Variants in ZNF436 observed in about 807,000 individuals in gnomAD.
ZNF436 encodes the protein DNA-binding protein.
ZNF436 carries 22 observed loss-of-function variants against 41.9 expected under a neutral mutation model. That is an observed-to-expected ratio of 0.53 (90% CI 0.38 to 0.75). The LOEUF (loss-of-function observed/expected upper bound fraction) is 0.75. ZNF436 is among the 30% of genes least tolerant of loss of function. The pLI is 0.00. For missense variants in ZNF436, 506 were observed against 587.3 expected, an observed-to-expected ratio of 0.86 and a Z score of 1.43; for synonymous variants, 217 against 197.8, an observed-to-expected ratio of 1.10 and a Z score of -0.82.
Position 23,360,869 on chromosome 1 carries a change from CAT to C in ZNF436, c.*1098_*1099del, listed in dbSNP as rs1253070497. The C allele has an allele frequency of 2.6e-5, 4 of 152,646 alleles. No individual in the cohort carries two copies. Among genetic ancestry groups the C allele is most frequent in the African/African-American group, 7.2e-5 (3 of 41,450 alleles). The allele number at this position is 152,646 out of a possible 1,614,324, so 9.5% of individuals were successfully genotyped here. On this transcript the variant is annotated 3_prime_UTR_variant, in exon 4 of 4. Coordinates refer to ENST00000314011, the MANE Select transcript of ZNF436 (RefSeq NM_001077195.2). ...TGGAGTTATGTCTGTACTTCTGTCA[CAT>C]GACTCACATCACCCAAGAACATGCT...
chr1:23,368,154 G>T, intron 1 of ZNF436, 89 bp from the exon 2 acceptor site: 1 of 848,664 alleles, frequency 1.2e-6, no homozygotes, highest in Non-Finnish European at 1.9e-6. Flanking sequence ...AGGCGGGCAG[G>T]GAGGGCCCTG....
Position 23,362,404 on chromosome 1 carries a change from T to C in ZNF436, c.978A>G (p.Arg326=). 1 of 1,613,830 alleles carries C rather than the reference T, an allele frequency of 6.2e-7. No individual in the cohort carries two copies. The highest frequency in any genetic ancestry group is 8.5e-7 in the Non-Finnish European group (1 of 1,179,848). Residue 326 remains arginine (R), a synonymous_variant, in exon 4 of 4, where the codon AGA becomes AGG. Coordinates refer to ENST00000314011, the MANE Select transcript of ZNF436 (RefSeq NM_001077195.2). The part of the protein sequence containing the change: ...SQNSDLVRHR[R]AHTGEKPYHC... ...GGTATGGCTTCTCTCCCGTGTGGGCTCTGCGATGACGCACAAGGTCGGAGT... is the reference window on the plus strand; with the variant it reads ...GGTATGGCTTCTCTCCCGTGTGGGCCCTGCGATGACGCACAAGGTCGGAGT...
Position 23,363,100 on chromosome 1 carries a change from C to T in ZNF436, c.282G>A (p.Glu94=), listed in dbSNP as rs1186562700. 3 of 1,614,170 alleles carry T rather than the reference C, an allele frequency of 1.9e-6. No homozygotes were observed. Among genetic ancestry groups the T allele is most frequent in the Non-Finnish European group, 1.7e-6 (2 of 1,180,036 alleles). The part of the protein sequence containing the change: ...ENAEENPESE[E]GFESGDRSER... ...CTGACCTATCTCCGCTTTCAAAGCC[C>T]TCTTCACTTTCAGGATTTTCCTCAG... Residue 94 remains glutamate, a synonymous_variant, in exon 4 of 4, where the codon GAG becomes GAA. Coordinates refer to ENST00000314011, the MANE Select transcript of ZNF436 (RefSeq NM_001077195.2).
At chr1:23,364,505 T>C (rs1638315854) in intron 3 of ZNF436, among the ~76,000 whole-genome samples, 1 of 152,208 alleles carries the variant, frequency 6.6e-6, no homozygotes, top group Non-Finnish European at 1.5e-5. Flanking sequence ...CCCAAACTGC[T>C]AGGATTACAG....
Position 23,361,699 on chromosome 1 carries a change from T to G in ZNF436, c.*270A>C. The G allele has an allele frequency of 2.9e-6, 1 of 347,310 alleles. No individual in the cohort carries two copies. The allele number at this position is 347,310 out of a possible 1,614,324, so 21.5% of individuals were successfully genotyped here. The stretch of plus-strand genomic sequence containing the variant: ...TTCCAGGCCTAAGCATTCACCAGCA[T>G]TTGTCCCCTGGTCTTCAGATTTCCA... On this transcript the variant is annotated 3_prime_UTR_variant, in exon 4 of 4. Coordinates refer to ENST00000314011, the MANE Select transcript of ZNF436 (RefSeq NM_001077195.2).
Position 23,369,759 on chromosome 1 carries a change from T to C in ZNF436, c.-454A>G, listed in dbSNP as rs780773004. The C allele has an allele frequency of 6.4e-5, 23 of 356,680 alleles. No homozygotes were observed. The highest frequency in any genetic ancestry group is 2.3e-4 in the Admixed American group (6 of 26,462). 22.1% of individuals were successfully genotyped at this position (356,680 alleles called of 1,614,324 possible). On this transcript the variant is annotated 5_prime_UTR_variant, in exon 1 of 4. Transcript: ENST00000314011. The stretch of plus-strand genomic sequence containing the variant: ...CAGCCAGGATGAGGGAATTAGACAA[T>C]GGAAGTCGAGCACTGGGGAAAGCAG...
At chr1:23,363,341 T>G (rs982242609) in intron 3 of ZNF436, 120 bp from the exon 4 acceptor site, 1 of 775,390 alleles carries the variant, frequency 1.3e-6, no homozygotes, top group Non-Finnish European at 2.0e-6. Flanking sequence ...TTGGCTGGAG[T>G]GCAGTGGTGT....
chr1:23,368,054 TAGCAGACAGCG>T lies in ZNF436; in HGVS notation c.-60_-50del. On this transcript the variant is annotated splice_region_variant and 5_prime_UTR_variant, in exon 2 of 4. Coordinates refer to ENST00000314011, the MANE Select transcript of ZNF436 (RefSeq NM_001077195.2). Reference sequence around the variant, plus strand: ...AGGGAGAGAGAGCAGGAAAAGCAGCTAGCAGACAGCGCTGAAGGAGGCGAAAAGCAGGGCGT... The same window carrying T: ...AGGGAGAGAGAGCAGGAAAAGCAGCTCTGAAGGAGGCGAAAAGCAGGGCGT... 1 of 1,610,264 alleles carries T rather than the reference TAGCAGACAGCG, an allele frequency of 6.2e-7. No homozygotes were observed. Among genetic ancestry groups the T allele is most frequent in the South Asian group, 1.1e-5 (1 of 90,972 alleles).
chr1:23,363,287 T>C (rs1471219756), intron 3 of ZNF436, 66 bp from the exon 4 acceptor site: 6 of 1,405,742 alleles, frequency 4.3e-6, no homozygotes, highest in Admixed American at 2.4e-5. Flanking sequence ...CCAGGCACTA[T>C]ACTAAATTTT....
intron 3 of ZNF436, among the ~76,000 whole-genome samples, chr1:23,364,635 C>T (rs929554249): frequency 6.6e-6 from 1 of 152,148 alleles, no homozygotes; most frequent in African/African-American, 2.4e-5. Flanking sequence ...TTTTCAGTGA[C>T]CTTTTAATGA....
intron 2 of ZNF436, 66 bp downstream of exon 2, chr1:23,367,907 G>A: frequency 6.3e-7 from 1 of 1,576,856 alleles, no homozygotes; most frequent in Middle Eastern, 1.7e-4. Flanking sequence ...GGGACTTGCA[G>A]AGCAGAGAAA....
chr1:23,363,571 T>A (rs991507028), intron 3 of ZNF436, among the ~76,000 whole-genome samples: 3 of 152,228 alleles, frequency 2.0e-5, no homozygotes, highest in African/African-American at 7.2e-5. Flanking sequence ...ATATTCTTTA[T>A]CACAGCTATT....
chr1:23,368,841 G>C (rs1031101719), intron 1 of ZNF436, among the ~76,000 whole-genome samples: 2 of 152,214 alleles, frequency 1.3e-5, no homozygotes, highest in South Asian at 2.1e-4. Flanking sequence ...CTCCCCAGGG[G>C]AGACTCGGAG....
rs752209101 is a variant in ZNF436 at position 23,361,216 on chromosome 1, G to A, written c.*753C>T. ...AATATTCCCTATAGTGATCCCCAAA[G>A]AAAATTCATAAATCTGATTAATGGC... On this transcript the variant is annotated 3_prime_UTR_variant, in exon 4 of 4. Transcript: ENST00000314011. The A allele has an allele frequency of 6.6e-6, 1 of 152,574 alleles. No homozygotes were observed. Among genetic ancestry groups the A allele is most frequent in the Non-Finnish European group, 1.5e-5 (1 of 68,044 alleles). The allele number at this position is 152,574 out of a possible 1,614,324, so 9.5% of individuals were successfully genotyped here.
In ZNF436 at chr1:23,367,140, A is replaced by G. The variant is rs748071896; in HGVS notation, c.62T>C (p.Met21Thr). 3 of 1,613,344 alleles carry G rather than the reference A, an allele frequency of 1.9e-6. No homozygotes were observed. The highest frequency in any genetic ancestry group is 2.2e-5 in the East Asian group (1 of 44,862). The change falls in exon 3 of 4, where the codon ATG becomes ACG. Residue 21 changes from methionine to threonine, a missense_variant. By Grantham distance (81) the Met-to-Thr change is moderately conservative. This residue lies in a region of ZNF436 where 228 missense variants were observed against 215.1 expected (regional missense o/e 1.06). Transcript: ENST00000314011. ...QAPVTFEDMA[M>T]YLTREEWRPL... ...TCTCCATTCTTCCCGGGTGAGATAC[A>G]TGGCCATATCTTCAAACGTCACAGG...
rs2148526866 is a variant in ZNF436 at position 23,360,464 on chromosome 1, G to T, written c.*1505C>A. On this transcript the variant is annotated 3_prime_UTR_variant, in exon 4 of 4. Coordinates refer to ENST00000314011, the MANE Select transcript of ZNF436 (RefSeq NM_001077195.2). ...CACCAATTCCCTTCCACCCCAACATGCTTGGATAGCATCAACACTTGAGAT... is the reference window on the plus strand; with the variant it reads ...CACCAATTCCCTTCCACCCCAACATTCTTGGATAGCATCAACACTTGAGAT... The T allele has an allele frequency of 6.6e-6, 1 of 152,284 alleles. No individual in the cohort carries two copies. The highest frequency in any genetic ancestry group is 1.5e-5 in the Non-Finnish European group (1 of 68,028). 9.4% of individuals were successfully genotyped at this position (152,284 alleles called of 1,614,324 possible).
chr1:23,364,895 A>G (rs1638324597), intron 3 of ZNF436, among the ~76,000 whole-genome samples: 1 of 152,204 alleles, frequency 6.6e-6, no homozygotes, highest in African/African-American at 2.4e-5. Context: ...GGTACATACA[A>G]TATCATTTCC....
At chr1:23,363,857 T>A (rs1206141639) in intron 3 of ZNF436, among the ~76,000 whole-genome samples, 1 of 152,070 alleles carries the variant, frequency 6.6e-6, no homozygotes, top group Non-Finnish European at 1.5e-5. Context: ...CTGGGCAATA[T>A]AGGGAGAACC....
intron 1 of ZNF436, 186 bp downstream of exon 1, chr1:23,369,180 G>A (rs539020367): frequency 7.6e-6 from 3 of 393,468 alleles, no homozygotes; most frequent in East Asian, 1.3e-4. Flanking sequence ...GGCCCCTGCG[G>A]GGGGGGCGGG....
Sources: allele counts gnomAD v4.1 joint callset (sites outside exome capture counted in the v4.1 genomes callset), GRCh38; gene constraint gnomAD v4.1.1; regional missense constraint gnomAD v4.1.1; transcripts MANE v1.5; gene names NCBI Gene and HGNC (gene_info 2026-07-23, HGNC 2026-07-21).